The following PRKD1 variants were observed in gnomAD, a reference collection of about 807,000 sequenced individuals.
PRKD1 encodes the protein serine/threonine-protein kinase D1.
Under a neutral mutation model 95.9 loss-of-function variants are expected in PRKD1, and 63 were observed. The observed-to-expected ratio is 0.66, with a 90% confidence interval of 0.54 to 0.81. The LOEUF (loss-of-function observed/expected upper bound fraction) is 0.81, where lower values mean the gene tolerates loss of function less well. Ranked by LOEUF, PRKD1 falls within the 30% of genes least tolerant of loss-of-function variation. PRKD1 has a pLI of 0.00. For synonymous variants in PRKD1, 425 were observed against 423.1 expected (o/e 1.00, Z -0.05); for missense variants, 1,048 against 1,165.3 (o/e 0.90, Z 1.47).
intron 4 of PRKD1, among the ~76,000 whole-genome samples, chr14:29,656,961 T>C (rs1410580928): frequency 1.3e-5 from 2 of 152,210 alleles, no homozygotes; most frequent in African/African-American, 4.8e-5. Context: ...ACAAAGTTGT[T>C]ATCTGCTTGC....
intron 1 of PRKD1, among the ~76,000 whole-genome samples, chr14:29,891,713 G>T (rs561781100): frequency 2.0e-5 from 3 of 150,890 alleles, no homozygotes; most frequent in African/African-American, 4.9e-5. Context: ...CCATATTTGC[G>T]GTGAATTTCT....
chr14:29,654,805 A>G (rs1304322289), intron 4 of PRKD1, among the ~76,000 whole-genome samples: 1 of 152,234 alleles, frequency 6.6e-6, no homozygotes, highest in Non-Finnish European at 1.5e-5. Context: ...TTCTATAACC[A>G]TTCTGCTACT....
chr14:29,842,762 A>G (rs144172573), intron 1 of PRKD1, among the ~76,000 whole-genome samples: 74 of 152,304 alleles, frequency 4.9e-4, no homozygotes, highest in African/African-American at 1.8e-3. Context: ...TGATATGTCT[A>G]CAGGATTATG....
intron 1 of PRKD1, among the ~76,000 whole-genome samples, chr14:29,764,129 T>G (rs1003976240): frequency 6.6e-6 from 1 of 152,102 alleles, no homozygotes; most frequent in Non-Finnish European, 1.5e-5. Context: ...ATCCTAGAGA[T>G]AGACTCAGTC....
intron 1 of PRKD1, among the ~76,000 whole-genome samples, chr14:29,891,498 A>G (rs774407979): frequency 1.2e-4 from 19 of 152,092 alleles, no homozygotes; most frequent in Non-Finnish European, 2.2e-4. Context: ...CTTCATCTTC[A>G]TATTACAAAT....
intron 4 of PRKD1, among the ~76,000 whole-genome samples, chr14:29,642,265 A>G (rs898356553): frequency 2.6e-5 from 4 of 152,172 alleles, no homozygotes; most frequent in Admixed American, 1.3e-4. Context: ...AGAATCAATG[A>G]CATATTTTGT....
At chr14:29,681,799 C>A in intron 2 of PRKD1, among the ~76,000 whole-genome samples, 1 of 152,204 alleles carries the variant, frequency 6.6e-6, no homozygotes, top group East Asian at 1.9e-4. Context: ...CAAGCTCACT[C>A]TCATGGATCA....
At chr14:29,769,399 T>A (rs1450281724) in intron 1 of PRKD1, among the ~76,000 whole-genome samples, 1 of 151,962 alleles carries the variant, frequency 6.6e-6, no homozygotes, top group East Asian at 1.9e-4. Flanking sequence ...TGAGACCCCA[T>A]CTCCACAAAA....
At chr14:29,761,244 G>T (rs1887965293) in intron 1 of PRKD1, among the ~76,000 whole-genome samples, 1 of 152,148 alleles carries the variant, frequency 6.6e-6, no homozygotes, top group Admixed American at 6.5e-5. Context: ...ACATTAGCTT[G>T]AACTGATCAC....
Position 29,713,388 on chromosome 14 carries a change from A to G in PRKD1, c.403+12148T>C, listed in dbSNP as rs951778717. 9.2e-5 allele frequency among the ~76,000 whole-genome samples: 14 copies of G among 152,314 alleles called. 1 individual carries two copies. Among genetic ancestry groups the G allele is most frequent in the Admixed American group, 7.2e-4 (11 of 15,280 alleles). On this transcript the variant is annotated intron_variant, in intron 2 of 17. Coordinates refer to ENST00000331968, the MANE Select transcript of PRKD1 (RefSeq NM_002742.3). ...TTCGTTTGTGAATAAACATCAAGGA[A>G]TCTACCAAAGAAAGATCTGGCCTTC...
rs566395332 is a variant in PRKD1, at chr14:29,611,384, A to C, written c.1906-11567T>G. On this transcript the variant is annotated intron_variant, in intron 13 of 17. Coordinates refer to ENST00000331968, the MANE Select transcript of PRKD1 (RefSeq NM_002742.3). The stretch of plus-strand genomic sequence containing the variant: ...ACCTCAACGAAATCTAGATGCTCTA[A>C]GCCCATCATCTGGGCTCATACACTG... Among the ~76,000 whole-genome samples, 5 of 152,292 alleles carry C rather than the reference A, an allele frequency of 3.3e-5. No homozygotes were observed. In the East Asian group the frequency reaches 9.7e-4, roughly 29 times the overall value.
chr14:29,598,977 C>T (rs1290034655), intron 15 of PRKD1, 50 bp downstream of exon 15: 3 of 1,430,406 alleles, frequency 2.1e-6, no homozygotes, highest in Non-Finnish European at 2.9e-6. Context: ...TACATGGAAG[C>T]TAGCAATGCT....
chr14:29,827,111 T>C (rs931455048), intron 1 of PRKD1, among the ~76,000 whole-genome samples: 13 of 151,266 alleles, frequency 8.6e-5, no homozygotes, highest in African/African-American at 3.2e-4. Context: ...TAAAAGATTA[T>C]AAATTGGGTT....
At chr14:29,611,218 T>A (rs1455214194) in intron 13 of PRKD1, among the ~76,000 whole-genome samples, 1 of 152,150 alleles carries the variant, frequency 6.6e-6, no homozygotes, top group Non-Finnish European at 1.5e-5. Context: ...GGGATATTCA[T>A]AGTGGGGGAA....
chr14:29,922,896 A>G (rs1433027615), intron 1 of PRKD1, among the ~76,000 whole-genome samples: 1 of 151,994 alleles, frequency 6.6e-6, no homozygotes, highest in African/African-American at 2.4e-5. Context: ...TAAAAATAAA[A>G]TTAGAGTACT....
intron 1 of PRKD1, among the ~76,000 whole-genome samples, chr14:29,885,395 C>T (rs954277136): frequency 7.2e-5 from 11 of 152,034 alleles, no homozygotes; most frequent in African/African-American, 2.4e-4. Flanking sequence ...TTGACATTTA[C>T]GGTGTCCTAC....
chr14:29,655,170 T>G (rs943711617), intron 4 of PRKD1, among the ~76,000 whole-genome samples: 5 of 152,212 alleles, frequency 3.3e-5, no homozygotes, highest in African/African-American at 1.2e-4. Flanking sequence ...AAGATACTAA[T>G]TCACATTTAA....
intron 1 of PRKD1, among the ~76,000 whole-genome samples, chr14:29,830,906 A>G (rs954395580): frequency 2.6e-5 from 4 of 152,108 alleles, no homozygotes; most frequent in African/African-American, 9.7e-5. Context: ...GCTGCTCTCA[A>G]ACTGCTGGGC....
At chr14:29,637,235 A>G (rs1167457300) in intron 6 of PRKD1, among the ~76,000 whole-genome samples, 3 of 152,242 alleles carry the variant, frequency 2.0e-5, no homozygotes, top group African/African-American at 4.8e-5. Context: ...ACTGATTCTT[A>G]CTATTGGAGT....
Sources: allele counts gnomAD v4.1 joint callset (sites outside exome capture counted in the v4.1 genomes callset), GRCh38; gene constraint gnomAD v4.1.1; transcripts MANE v1.5; gene names NCBI Gene and HGNC (gene_info 2026-07-23, HGNC 2026-07-21).